The following TGFBR2 variants were observed in gnomAD, a reference collection of about 807,000 sequenced individuals.
TGFBR2 encodes transforming growth factor beta receptor 2, also known as TGF-beta receptor type-2.
A neutral mutation model predicts 49.0 loss-of-function variants in TGFBR2; 18 were observed. The ratio of observed to expected loss-of-function variants is 0.37; its 90% confidence interval spans 0.25 to 0.54. TGFBR2 has a LOEUF of 0.54. TGFBR2 is among the 20% of genes least tolerant of loss of function. The pLI is 0.85. For missense variants in TGFBR2, 525 were observed against 722.6 expected (o/e 0.73, Z 3.13); for synonymous variants, 282 against 275.9 (o/e 1.02, Z -0.22).
intron 1 of TGFBR2, among the ~76,000 whole-genome samples, chr3:30,607,799 A>AAAATATATAT (rs1367214755): frequency 4.3e-5 from 6 of 138,320 alleles, no homozygotes; most frequent in Non-Finnish European, 9.3e-5. Context: ...AAAATAAAAA[A>AAAATATATAT]ATATATATAT....
At chr3:30,655,929 C>T (rs1300489761) in intron 3 of TGFBR2, among the ~76,000 whole-genome samples, 1 of 152,158 alleles carries the variant, frequency 6.6e-6, no homozygotes, top group Non-Finnish European at 1.5e-5. Flanking sequence ...CAGGATCACC[C>T]GGGAGCTTAT....
chr3:30,613,054 A>T (rs958142122), intron 1 of TGFBR2, among the ~76,000 whole-genome samples: 1 of 150,922 alleles, frequency 6.6e-6, no homozygotes, highest in African/African-American at 2.4e-5. Flanking sequence ...AGCTATCATT[A>T]TTAGATGAGA....
intron 3 of TGFBR2, among the ~76,000 whole-genome samples, chr3:30,655,603 C>T (rs1161160961): frequency 3.3e-5 from 5 of 152,190 alleles, no homozygotes; most frequent in Admixed American, 1.3e-4. Context: ...TTAGGGTAAT[C>T]GCAGTTCTGT....
chr3:30,670,145 A>G (rs774157959), intron 3 of TGFBR2, among the ~76,000 whole-genome samples: 25 of 152,074 alleles, frequency 1.6e-4, no homozygotes, highest in Non-Finnish European at 2.8e-4. Context: ...TTCCTTAAGT[A>G]GATCATATAT....
chr3:30,662,811 A>G (rs1699159263), intron 3 of TGFBR2, among the ~76,000 whole-genome samples: 2 of 152,202 alleles, frequency 1.3e-5, no homozygotes, highest in Admixed American at 6.5e-5. Context: ...CAATTCCACT[A>G]AGAAATTTTT....
At chr3:30,624,460 A>G (rs1235981590) in intron 1 of TGFBR2, among the ~76,000 whole-genome samples, 1 of 152,084 alleles carries the variant, frequency 6.6e-6, no homozygotes, top group East Asian at 1.9e-4. Context: ...TACTAAAAAT[A>G]CAAAAATTAA....
Position 30,606,620 on chromosome 3 carries a change from C to T in TGFBR2, c.-264C>T, listed in dbSNP as rs926907492. ...TGAGTCACTCGCGCGCACGGAGCGA[C>T]GACACCCCCGCGCGTGCACCCGCTC... On this transcript the variant is annotated 5_prime_UTR_variant, in exon 1 of 7. The change creates a new upstream start codon in the 5' untranslated region. Transcript: ENST00000295754. The T allele has an allele frequency of 2.5e-5, 9 of 357,862 alleles. No individual in the cohort carries two copies. In the Admixed American group the frequency reaches 2.8e-4, roughly 11 times the overall value. 22.2% of individuals were successfully genotyped at this position (357,862 alleles called of 1,614,324 possible). A position where few individuals can be genotyped will look rare whatever the true frequency, so the allele number is the denominator to read the frequency against.
At chr3:30,675,455 C>T (rs373665074) in intron 5 of TGFBR2, among the ~76,000 whole-genome samples, 4 of 151,288 alleles carry the variant, frequency 2.6e-5, no homozygotes, top group Non-Finnish European at 5.9e-5. Flanking sequence ...GGCGCAATCT[C>T]GGCTGACTGC....
intron 5 of TGFBR2, among the ~76,000 whole-genome samples, chr3:30,687,858 T>C (rs895456705): frequency 6.6e-5 from 10 of 152,234 alleles, no homozygotes. Flanking sequence ...GTCTGGCTTA[T>C]TTCACTTAGC....
At chr3:30,646,169 T>C (rs1367514856) in intron 2 of TGFBR2, among the ~76,000 whole-genome samples, 1 of 152,208 alleles carries the variant, frequency 6.6e-6, no homozygotes, top group African/African-American at 2.4e-5. Flanking sequence ...CTAGACCATG[T>C]AAAGCTAGCC....
intron 5 of TGFBR2, among the ~76,000 whole-genome samples, chr3:30,684,308 G>A (rs1699586199): frequency 6.6e-6 from 1 of 152,024 alleles, no homozygotes. Context: ...CAAAATGAGA[G>A]AGAAGGGTAA....
chr3:30,640,711 A>G (rs563675963), intron 1 of TGFBR2, among the ~76,000 whole-genome samples: 1 of 152,328 alleles, frequency 6.6e-6, no homozygotes, highest in Non-Finnish European at 1.5e-5. Flanking sequence ...TGGAACCCAC[A>G]GATACAGAAG....
intron 1 of TGFBR2, among the ~76,000 whole-genome samples, chr3:30,618,341 T>A (rs1160271582): frequency 6.6e-6 from 1 of 151,722 alleles, no homozygotes; most frequent in East Asian, 1.9e-4. Flanking sequence ...GCGATTCTCC[T>A]GCTTCAGCCT....
intron 1 of TGFBR2, among the ~76,000 whole-genome samples, chr3:30,644,195 C>G (rs549511240): frequency 6.6e-6 from 1 of 152,076 alleles, no homozygotes; most frequent in South Asian, 2.1e-4. Context: ...AGGAAAATGG[C>G]GGCAAAATCT....
At chr3:30,613,131 CTTTT>C (rs5847644) in intron 1 of TGFBR2, among the ~76,000 whole-genome samples, 1 of 129,318 alleles carries the variant, frequency 7.7e-6, no homozygotes, top group Non-Finnish European at 1.6e-5. Flanking sequence ...ACATGCAGCT[CTTTT>C]TTTTTTTTTT....
chr3:30,677,559 T>G (rs1009694895), intron 5 of TGFBR2, among the ~76,000 whole-genome samples: 1 of 152,248 alleles, frequency 6.6e-6, no homozygotes, highest in South Asian at 2.1e-4. Flanking sequence ...CCACCTTGAC[T>G]TCTTCTTTTA....
chr3:30,634,329 A>C (rs1698488273), intron 1 of TGFBR2, among the ~76,000 whole-genome samples: 1 of 152,234 alleles, frequency 6.6e-6, no homozygotes, highest in African/African-American at 2.4e-5. Flanking sequence ...CTTTGAGATA[A>C]AGAATTGTTT....
chr3:30,688,624 A>G, intron 6 of TGFBR2, 113 bp downstream of exon 6: 1 of 1,454,596 alleles, frequency 6.9e-7, no homozygotes, highest in Admixed American at 1.9e-5. Context: ...ATTGTGTTCT[A>G]TGGCCCTGTT....
chr3:30,659,713 A>C (rs1699080083), intron 3 of TGFBR2, among the ~76,000 whole-genome samples: 1 of 151,496 alleles, frequency 6.6e-6, no homozygotes. Context: ...CCAAGAAAGC[A>C]GTCGGACCCA....
Sources: allele counts gnomAD v4.1 joint callset (sites outside exome capture counted in the v4.1 genomes callset), GRCh38; gene constraint gnomAD v4.1.1; transcripts MANE v1.5; gene names NCBI Gene and HGNC (gene_info 2026-07-23, HGNC 2026-07-21).